MEIOB: variants seen among roughly 807,000 people sequenced by gnomAD.
MEIOB encodes the protein meiosis specific with OB-fold, also known as meiosis-specific with OB domain-containing protein.
A neutral mutation model predicts 53.1 loss-of-function variants in MEIOB; 50 were observed. The observed-to-expected ratio is 0.94, with a 90% CI of 0.75 to 1.19. The LOEUF (loss-of-function observed/expected upper bound fraction) is 1.19, where lower values mean the gene tolerates loss of function less well. Ranked by LOEUF, MEIOB falls within the 50% of genes most tolerant of loss-of-function variation. The pLI is 0.00. For missense variants in MEIOB, 551 were observed against 550.8 expected, an observed-to-expected ratio of 1.00 and a Z score of 0.00; for synonymous variants, 192 against 182.5, an observed-to-expected ratio of 1.05 and a Z score of -0.42.
rs556398433 is a variant in MEIOB at position 1,848,528 on chromosome 16, CCT to C, written c.779-3567_779-3566del. Among the ~76,000 whole-genome samples, 477 of 148,064 alleles carry C rather than the reference CCT, an allele frequency of 3.2e-3. 4 individuals are homozygous for C. The highest frequency in any genetic ancestry group is 0.024 in the Middle Eastern group (7 of 286). On this transcript the variant is annotated intron_variant, in intron 9 of 13. Coordinates refer to ENST00000325962, the MANE Select transcript of MEIOB (RefSeq NM_001163560.3). ...AGAATCCTATCATCTTATCCCTTCTCCTTTTTTTTTTTTTCCTTTTTTTTTTT... is the reference window on the plus strand; with the variant it reads ...AGAATCCTATCATCTTATCCCTTCTCTTTTTTTTTTTTCCTTTTTTTTTTT...
chr16:1,840,631 C>G (rs1411480114), intron 11 of MEIOB, among the ~76,000 whole-genome samples: 1 of 151,790 alleles, frequency 6.6e-6, no homozygotes, highest in Non-Finnish European at 1.5e-5. Context: ...TCGCTGCAAG[C>G]TCTGCCTCCC....
chr16:1,852,468 G>A (rs1384364876), intron 9 of MEIOB, among the ~76,000 whole-genome samples: 5 of 151,566 alleles, frequency 3.3e-5, no homozygotes, highest in African/African-American at 9.7e-5. Flanking sequence ...TCACCATGTT[G>A]GCCAGGATGG....
chr16:1,853,286 A>G lies in MEIOB; in HGVS notation c.630-15T>C. 1 of 1,534,178 alleles carries G rather than the reference A, an allele frequency of 6.5e-7. No homozygotes were observed. Among genetic ancestry groups the G allele is most frequent in the Non-Finnish European group, 8.8e-7 (1 of 1,131,032 alleles). ...CATTATCCCAACTGCATTTGTTTAAAAAGAAGTAATACAAATTGAATACAC... is the reference window on the plus strand; with the variant it reads ...CATTATCCCAACTGCATTTGTTTAAGAAGAAGTAATACAAATTGAATACAC... On this transcript the variant is annotated splice_polypyrimidine_tract_variant and intron_variant, in intron 7 of 13. Coordinates refer to ENST00000325962, the MANE Select transcript of MEIOB (RefSeq NM_001163560.3).
At chr16:1,841,469 T>C (rs1377136172) in intron 11 of MEIOB, among the ~76,000 whole-genome samples, 3 of 152,214 alleles carry the variant, frequency 2.0e-5, no homozygotes, top group Non-Finnish European at 4.4e-5. Context: ...CGCATGCTAC[T>C]GCACCTGGCT....
chr16:1,865,287 C>A (rs1285541767), intron 3 of MEIOB, among the ~76,000 whole-genome samples: 2 of 152,064 alleles, frequency 1.3e-5, no homozygotes, highest in African/African-American at 2.4e-5. Flanking sequence ...CAAAAATTAG[C>A]TGGGCATGAT....
chr16:1,855,638 A>C (rs1899281333), intron 6 of MEIOB, among the ~76,000 whole-genome samples: 1 of 152,218 alleles, frequency 6.6e-6, no homozygotes, highest in Admixed American at 6.5e-5. Flanking sequence ...TTATAAACGT[A>C]ATAGCACTGT....
intron 4 of MEIOB, 89 bp from the exon 5 acceptor site, chr16:1,860,564 T>A: frequency 8.0e-6 from 6 of 750,866 alleles, no homozygotes; most frequent in Non-Finnish European, 1.3e-5. Flanking sequence ...TAATTTATGA[T>A]CATCATCGAC....
intron 9 of MEIOB, among the ~76,000 whole-genome samples, chr16:1,851,153 G>T (rs558127527): frequency 6.6e-6 from 1 of 152,106 alleles, no homozygotes; most frequent in African/African-American, 2.4e-5. Context: ...CAGAGCAGAA[G>T]CCAGTGCACT....
At chr16:1,858,780 T>A (rs1179080927) in intron 5 of MEIOB, among the ~76,000 whole-genome samples, 2 of 152,184 alleles carry the variant, frequency 1.3e-5, no homozygotes, top group Non-Finnish European at 2.9e-5. Flanking sequence ...AATTGGTATT[T>A]CTAGATGAAA....
chr16:1,845,090 A>G lies in MEIOB; in HGVS notation c.779-127T>C, dbSNP rs1187110313. Reference sequence around the variant, plus strand: ...TAAGAATACAATCAAATAGAATATTACGTGGCCATTAACAATGTGATGTAG... The same window carrying G: ...TAAGAATACAATCAAATAGAATATTGCGTGGCCATTAACAATGTGATGTAG... On this transcript the variant is annotated intron_variant, in intron 9 of 13. Transcript: ENST00000325962. 5.4e-6 allele frequency: 3 copies of G among 559,072 alleles called. No homozygotes were observed. The African/African-American group carries it at 5.7e-5, about 11-fold the overall frequency. The allele number at this position is 559,072 out of a possible 1,614,324, so 34.6% of individuals were successfully genotyped here.
intron 13 of MEIOB, among the ~76,000 whole-genome samples, chr16:1,834,711 T>A (rs1898692363): frequency 6.6e-6 from 1 of 151,952 alleles, no homozygotes; most frequent in Non-Finnish European, 1.5e-5. Context: ...GGCGGGTGGA[T>A]CACCTGAGGT....
intron 6 of MEIOB, among the ~76,000 whole-genome samples, chr16:1,856,971 C>T (rs985636520): frequency 1.1e-3 from 6 of 5,226 alleles, no homozygotes; most frequent in African/African-American, 4.1e-3. Context: ...ACCATGTTGC[C>T]CCAGGCTGGT....
chr16:1,844,520 G>A (rs1304515107), intron 10 of MEIOB, among the ~76,000 whole-genome samples: 1 of 151,772 alleles, frequency 6.6e-6, no homozygotes, highest in East Asian at 1.9e-4. Context: ...CTGTCACCCA[G>A]GCTGGATCTC....
intron 9 of MEIOB, among the ~76,000 whole-genome samples, chr16:1,849,279 G>A (rs2974849): frequency 0.18 from 26,621 of 151,076 alleles, 2,482 homozygotes; most frequent in South Asian, 0.26. Flanking sequence ...AAGGCTGGGC[G>A]CGGTGGCTCA....
intron 5 of MEIOB, among the ~76,000 whole-genome samples, chr16:1,859,807 C>G (rs1321019961): frequency 6.6e-6 from 1 of 152,088 alleles, no homozygotes; most frequent in Non-Finnish European, 1.5e-5. Flanking sequence ...ACTGCCAGAC[C>G]CGCCTTTGAG....
At chr16:1,841,454 A>G (rs1898909597) in intron 11 of MEIOB, among the ~76,000 whole-genome samples, 1 of 152,148 alleles carries the variant, frequency 6.6e-6, no homozygotes, top group Non-Finnish European at 1.5e-5. Flanking sequence ...AGCTGAGACT[A>G]CAGGCGCATG....
intron 12 of MEIOB, 153 bp from the exon 13 acceptor site, chr16:1,838,023 G>T (rs1269740330): frequency 1.4e-6 from 2 of 1,386,798 alleles, no homozygotes; most frequent in Admixed American, 5.5e-5. Context: ...TAGAGACAGG[G>T]TCTCACTCTG....
Position 1,853,200 on chromosome 16 carries a change from A to C in MEIOB, c.682+19T>G. 1.3e-6 allele frequency: 2 copies of C among 1,557,378 alleles called. No individual in the cohort carries two copies. The highest frequency in any genetic ancestry group is 1.7e-6 in the Non-Finnish European group (2 of 1,147,236). On this transcript the variant is annotated intron_variant, in intron 8 of 13. Coordinates refer to ENST00000325962, the MANE Select transcript of MEIOB (RefSeq NM_001163560.3). ...GATATAAATGACAAATATTGGACAC[A>C]ATCATTGAATGATAATACCTGTTTC... is the stretch of plus-strand genomic sequence containing the variant.
chr16:1,846,814 A>C (rs2859530), intron 9 of MEIOB, among the ~76,000 whole-genome samples: 2,238 of 151,642 alleles, frequency 0.015, 66 homozygotes, highest in African/African-American at 0.052. Context: ...ATGGGGGGTG[A>C]GGGGAGGGAG....
Sources: allele counts gnomAD v4.1 joint callset (sites outside exome capture counted in the v4.1 genomes callset), GRCh38; gene constraint gnomAD v4.1.1; transcripts MANE v1.5; gene names NCBI Gene and HGNC (gene_info 2026-07-23, HGNC 2026-07-21).